The following DENND1A variants were observed in gnomAD, a reference collection of about 807,000 sequenced individuals.
DENND1A encodes DENN domain containing 1A.
DENND1A carries 51 observed loss-of-function variants against 113.7 expected under a neutral mutation model. That is an observed-to-expected ratio of 0.45 (90% CI 0.36 to 0.57). The LOEUF (loss-of-function observed/expected upper bound fraction) is 0.57, where lower values mean the gene tolerates loss of function less well. DENND1A is among the 20% of genes least tolerant of loss of function. DENND1A has a pLI of 0.00. For missense variants in DENND1A, 1,258 were observed against 1,395.9 expected (o/e 0.90, Z 1.57); for synonymous variants, 565 against 570.8 (o/e 0.99, Z 0.14).
chr9:123,454,862 T>TTA lies in DENND1A; in HGVS notation c.1187-84_1187-83insTA, dbSNP rs1275780608. ...TCCTTAAAATTGCTTTTTTTTTTTT[T>TTA]TTTGAGATGGAGTCTCACGCTGTCT... On this transcript the variant is annotated intron_variant, in intron 15 of 23. Coordinates refer to ENST00000394215, the MANE Select transcript of DENND1A (RefSeq NM_001352964.2). 2.2e-6 allele frequency: 3 copies of TTA among 1,340,560 alleles called. No individual in the cohort carries two copies. The South Asian group carries it at 3.8e-5, about 17-fold the overall frequency. 83.0% of individuals were successfully genotyped at this position (1,340,560 alleles called of 1,614,324 possible).
At chr9:123,638,009 G>A (rs985244911) in intron 9 of DENND1A, among the ~76,000 whole-genome samples, 36 of 151,578 alleles carry the variant, frequency 2.4e-4, no homozygotes, top group African/African-American at 7.8e-4. Flanking sequence ...GAAGGAAAGC[G>A]TCTTCCCCCA....
At chr9:123,512,795 G>A (rs1025456642) in intron 13 of DENND1A, among the ~76,000 whole-genome samples, 8 of 152,260 alleles carry the variant, frequency 5.3e-5, no homozygotes, top group Non-Finnish European at 1.0e-4. Flanking sequence ...TACCAGCTTT[G>A]CTGGTAATGG....
intron 2 of DENND1A, among the ~76,000 whole-genome samples, chr9:123,874,559 C>T (rs369590903): frequency 3.3e-5 from 5 of 152,176 alleles, no homozygotes; most frequent in East Asian, 1.9e-4. Context: ...CCCAGGAGTT[C>T]GAGGCTGCAA....
intron 13 of DENND1A, among the ~76,000 whole-genome samples, chr9:123,521,476 T>G (rs1303611364): frequency 6.6e-6 from 1 of 152,220 alleles, no homozygotes; most frequent in African/African-American, 2.4e-5. Flanking sequence ...TTAAGTGAGA[T>G]ACCCATATGA....
chr9:123,768,479 C>CTT (rs552179573), intron 4 of DENND1A, among the ~76,000 whole-genome samples: 43 of 152,278 alleles, frequency 2.8e-4, no homozygotes, highest in South Asian at 8.3e-4. Context: ...TTTGGGTACA[C>CTT]TAAAATACAT....
intron 21 of DENND1A, among the ~76,000 whole-genome samples, chr9:123,399,450 T>A (rs569257965): frequency 1.3e-5 from 2 of 152,086 alleles, no homozygotes; most frequent in Admixed American, 6.5e-5. Context: ...ACTGCAACCT[T>A]CAACTCCCCA....
intron 1 of DENND1A, among the ~76,000 whole-genome samples, chr9:123,900,674 G>T (rs1470876017): frequency 2.0e-5 from 3 of 152,182 alleles, no homozygotes; most frequent in Non-Finnish European, 4.4e-5. Context: ...TCCAGTTGCA[G>T]CTCCACCACA....
chr9:123,489,071 T>TTTAC (rs1564585440), intron 13 of DENND1A, among the ~76,000 whole-genome samples: 1 of 149,656 alleles, frequency 6.7e-6, no homozygotes, highest in Non-Finnish European at 1.5e-5. Flanking sequence ...TTCCCTCTGT[T>TTTAC]ACACACACAC....
intron 4 of DENND1A, 150 bp from the exon 5 acceptor site, chr9:123,757,972 TAG>T: frequency 1.5e-6 from 1 of 656,666 alleles, no homozygotes; most frequent in Non-Finnish European, 2.1e-6. Flanking sequence ...GACTGTAAGC[TAG>T]TTAAAAAAAA....
intron 8 of DENND1A, among the ~76,000 whole-genome samples, chr9:123,654,654 G>A (rs1045666701): frequency 1.3e-5 from 2 of 152,222 alleles, no homozygotes; most frequent in African/African-American, 2.4e-5. Context: ...TTAAAAATAC[G>A]TAACATTTAG....
chr9:123,383,643 C>T lies in DENND1A; in HGVS notation c.2019+12G>A. On this transcript the variant is annotated intron_variant, in intron 23 of 23. Coordinates refer to ENST00000394215, the MANE Select transcript of DENND1A (RefSeq NM_001352964.2). Reference sequence around the variant, plus strand: ...GGCCCCCGGCCGATACCCTCCCTTGCCCATGCCATACCTGATAGTCAAAGG... The same window carrying T: ...GGCCCCCGGCCGATACCCTCCCTTGTCCATGCCATACCTGATAGTCAAAGG... 4 of 1,608,980 alleles carry T rather than the reference C, an allele frequency of 2.5e-6. No homozygotes were observed. The highest frequency in any genetic ancestry group is 2.5e-6 in the Non-Finnish European group (3 of 1,176,652).
At chr9:123,888,774 G>T (rs985319080) in intron 1 of DENND1A, among the ~76,000 whole-genome samples, 1 of 152,228 alleles carries the variant, frequency 6.6e-6, no homozygotes, top group Non-Finnish European at 1.5e-5. Flanking sequence ...TGTAAAGGAT[G>T]TTATTGGGAC....
chr9:123,437,527 C>T (rs938161024), intron 19 of DENND1A: 4 of 152,274 alleles, frequency 2.6e-5, no homozygotes, highest in Admixed American at 2.0e-4. Context: ...TCCACAGAAA[C>T]ACAGACCCAA....
intron 8 of DENND1A, among the ~76,000 whole-genome samples, chr9:123,653,863 G>A (rs1346907946): frequency 1.3e-5 from 2 of 150,766 alleles, no homozygotes; most frequent in African/African-American, 4.9e-5. Context: ...ACAAGCTTGA[G>A]ACAGGCATTA....
At chr9:123,602,719 CG>C (rs1228780733) in intron 11 of DENND1A, among the ~76,000 whole-genome samples, 2 of 152,186 alleles carry the variant, frequency 1.3e-5, no homozygotes, top group African/African-American at 2.4e-5. Context: ...GGCTGGAGTG[CG>C]GTGGCACAAT....
chr9:123,724,903 A>T (rs1353262737), intron 5 of DENND1A, among the ~76,000 whole-genome samples: 1 of 152,236 alleles, frequency 6.6e-6, no homozygotes. Flanking sequence ...AAATATTCTA[A>T]ATTGGCTTCT....
At chr9:123,472,429 G>T (rs2049505247) in intron 13 of DENND1A, among the ~76,000 whole-genome samples, 1 of 152,184 alleles carries the variant, frequency 6.6e-6, no homozygotes, top group Non-Finnish European at 1.5e-5. Context: ...CAAGGGAGTT[G>T]CTGGTTCCCC....
intron 1 of DENND1A, among the ~76,000 whole-genome samples, chr9:123,892,938 C>T (rs573090648): frequency 6.6e-6 from 1 of 152,068 alleles, no homozygotes; most frequent in African/African-American, 2.4e-5. Context: ...GCCGAGATCG[C>T]GCCACTGCAC....
chr9:123,703,044 C>T (rs191208860), intron 5 of DENND1A, among the ~76,000 whole-genome samples: 135 of 152,260 alleles, frequency 8.9e-4, no homozygotes, highest in Admixed American at 2.0e-3. Flanking sequence ...TGTAGTGGCG[C>T]GATCTCGGCT....
Sources: gnomAD v4.1 joint callset for allele counts (sites outside exome capture counted in the v4.1 genomes callset) on GRCh38, gnomAD v4.1.1 for gene constraint, MANE v1.5 for transcripts, NCBI Gene and HGNC (gene_info 2026-07-23, HGNC 2026-07-21) for gene names.